Variants in SPIDR observed in about 807,000 individuals in gnomAD.
SPIDR encodes the protein DNA repair-scaffolding protein.
In SPIDR, 93 loss-of-function variants were observed where a neutral mutation model predicts 104.6. That is an observed-to-expected ratio of 0.89 (90% CI 0.75 to 1.06). The LOEUF (loss-of-function observed/expected upper bound fraction) is 1.06. Among genes scored for constraint, SPIDR ranks in the 50% least tolerant of loss-of-function variants. The pLI, the probability that SPIDR is intolerant of heterozygous loss-of-function variation, is 0.00. For missense variants in SPIDR, 1,154 were observed against 1,111.2 expected (o/e 1.04, Z -0.55); for synonymous variants, 431 against 416.9 (o/e 1.03, Z -0.41).
intron 5 of SPIDR, among the ~76,000 whole-genome samples, chr8:47,328,197 A>G (rs1554601677): frequency 6.6e-6 from 1 of 151,774 alleles, no homozygotes; most frequent in Non-Finnish European, 1.5e-5. Context: ...TTGCTCTTCT[A>G]TTTAGGCCAT....
intron 11 of SPIDR, among the ~76,000 whole-genome samples, chr8:47,675,510 C>T (rs1160625147): frequency 3.9e-5 from 6 of 152,162 alleles, no homozygotes; most frequent in Non-Finnish European, 8.8e-5. Context: ...GACTGAACCT[C>T]ATTTTAGTCC....
chr8:47,458,980 C>G (rs188183229), intron 8 of SPIDR, among the ~76,000 whole-genome samples: 33 of 152,146 alleles, frequency 2.2e-4, no homozygotes, highest in African/African-American at 7.0e-4. Flanking sequence ...TCCCTGCATC[C>G]CTGGTATGAA....
chr8:47,282,236 A>G (rs1015565895), intron 2 of SPIDR, among the ~76,000 whole-genome samples: 100 of 152,348 alleles, frequency 6.6e-4, no homozygotes, highest in African/African-American at 2.4e-3. Flanking sequence ...ATACATGAGC[A>G]TTGGCTTCAA....
At chr8:47,498,727 C>G (rs2079853072) in intron 8 of SPIDR, among the ~76,000 whole-genome samples, 1 of 152,172 alleles carries the variant, frequency 6.6e-6, no homozygotes, top group South Asian at 2.1e-4. Context: ...TTAGACCTAA[C>G]ATGTTTGCAT....
At chr8:47,325,865 C>T (rs1554600000) in intron 5 of SPIDR, among the ~76,000 whole-genome samples, 1 of 152,184 alleles carries the variant, frequency 6.6e-6, no homozygotes, top group African/African-American at 2.4e-5. Context: ...GCCCTAAGCA[C>T]TATTTTAGGG....
chr8:47,294,056 T>G (rs1586474641), intron 5 of SPIDR, 26 bp downstream of exon 5: 2 of 1,599,456 alleles, frequency 1.3e-6, no homozygotes, highest in East Asian at 4.5e-5. Context: ...TTCAAAACTT[T>G]TATTCACTTT....
intron 8 of SPIDR, among the ~76,000 whole-genome samples, chr8:47,485,474 A>G (rs538074052): frequency 6.6e-6 from 1 of 152,320 alleles, no homozygotes; most frequent in African/African-American, 2.4e-5. Flanking sequence ...GCAGACTTAA[A>G]TGTCCCTGTC....
At chr8:47,441,226 C>T (rs2069368653) in intron 8 of SPIDR, among the ~76,000 whole-genome samples, 1 of 152,106 alleles carries the variant, frequency 6.6e-6, no homozygotes, top group Non-Finnish European at 1.5e-5. Context: ...TTAATTTTAG[C>T]AGACTTTGTC....
chr8:47,611,662 C>T (rs2063624414), intron 10 of SPIDR, among the ~76,000 whole-genome samples: 1 of 151,850 alleles, frequency 6.6e-6, no homozygotes, highest in Admixed American at 6.6e-5. Context: ...CACACCACTG[C>T]ACTCCAGCCT....
rs73677544 is a variant in SPIDR at position 47,682,028 on chromosome 8, A to G, written c.1685+8087A>G. Among the ~76,000 whole-genome samples the G allele has an allele frequency of 3.5e-3, 537 of 152,256 alleles. 4 individuals carry two copies. The highest frequency in any genetic ancestry group is 0.012 in the African/African-American group (506 of 41,546). ...TGCTTAGACCAGAAGAATATGGGAT[A>G]TAGCACCAATAATAAAATTCAAAAG... On this transcript the variant is annotated intron_variant, in intron 11 of 19. Transcript: ENST00000297423.
chr8:47,330,179 G>A (rs2048414077), intron 5 of SPIDR, among the ~76,000 whole-genome samples: 1 of 150,762 alleles, frequency 6.6e-6, no homozygotes, highest in Admixed American at 6.6e-5. Flanking sequence ...TTTTTTGGTG[G>A]TGGTGCTTTT....
chr8:47,487,409 G>T (rs946144123), intron 8 of SPIDR, among the ~76,000 whole-genome samples: 20 of 152,248 alleles, frequency 1.3e-4, no homozygotes, highest in Middle Eastern at 3.4e-3. Flanking sequence ...AATAATGGGA[G>T]ACTTTAACAC....
chr8:47,489,956 A>G (rs1211096864), intron 8 of SPIDR, among the ~76,000 whole-genome samples: 1 of 152,218 alleles, frequency 6.6e-6, no homozygotes, highest in Non-Finnish European at 1.5e-5. Context: ...GGACTCCATG[A>G]CTAAAACACC....
intron 8 of SPIDR, among the ~76,000 whole-genome samples, chr8:47,470,320 G>A (rs573590498): frequency 1.3e-5 from 2 of 151,976 alleles, no homozygotes; most frequent in Non-Finnish European, 2.9e-5. Flanking sequence ...ATGGAATCTT[G>A]CTCTGCCGTC....
chr8:47,469,700 A>G (rs1421383902), intron 8 of SPIDR, among the ~76,000 whole-genome samples: 2 of 152,194 alleles, frequency 1.3e-5, no homozygotes, highest in African/African-American at 4.8e-5. Context: ...GAGAGGAACA[A>G]CAGACATGGG....
At chr8:47,592,873 G>T (rs945240259) in intron 8 of SPIDR, among the ~76,000 whole-genome samples, 7 of 152,060 alleles carry the variant, frequency 4.6e-5, no homozygotes, top group African/African-American at 1.4e-4. Context: ...ACAGGTCCTT[G>T]GTTCTGTTGG....
chr8:47,431,294 C>G (rs1457410775), intron 7 of SPIDR, among the ~76,000 whole-genome samples: 1 of 152,132 alleles, frequency 6.6e-6, no homozygotes, highest in Admixed American at 6.5e-5. Flanking sequence ...TTCCTTGGAG[C>G]CCCCATCTCC....
intron 10 of SPIDR, among the ~76,000 whole-genome samples, chr8:47,630,758 T>C (rs1362599715): frequency 6.6e-6 from 1 of 152,160 alleles, no homozygotes; most frequent in East Asian, 1.9e-4. Flanking sequence ...AACTCTTTAC[T>C]CAGAAAATAC....
In SPIDR at chr8:47,412,836, A is replaced by G. The variant is rs1015888690; in HGVS notation, c.877+4875A>G. Among the ~76,000 whole-genome samples the G allele has an allele frequency of 6.6e-5, 10 of 152,128 alleles. No homozygotes were observed. In the East Asian group the frequency reaches 1.2e-3, roughly 18 times the overall value. On this transcript the variant is annotated intron_variant, in intron 7 of 19. Transcript: ENST00000297423. Reference sequence around the variant, plus strand: ...ATAATCTACTTCCCTCCATCTCTAAATAGTTTCTGTTTAATTTGTGTGTCA... The same window carrying G: ...ATAATCTACTTCCCTCCATCTCTAAGTAGTTTCTGTTTAATTTGTGTGTCA...
Sources: allele counts gnomAD v4.1 joint callset (sites outside exome capture counted in the v4.1 genomes callset), GRCh38; gene constraint gnomAD v4.1.1; transcripts MANE v1.5; gene names NCBI Gene and HGNC (gene_info 2026-07-23, HGNC 2026-07-21).